GPR161: variants seen among roughly 807,000 people sequenced by gnomAD.
The protein encoded by GPR161 is G protein-coupled receptor 161.
A neutral mutation model predicts 39.2 loss-of-function variants in GPR161; 25 were observed. That is an observed-to-expected ratio of 0.64 (90% CI 0.47 to 0.89). The LOEUF (loss-of-function observed/expected upper bound fraction) is 0.89. GPR161 is among the 40% of genes least tolerant of loss of function. The probability of loss-of-function intolerance (pLI) is 0.00; values close to 1 mark genes in which losing one functional copy is unlikely to be tolerated. For synonymous variants in GPR161, 286 were observed against 276.6 expected (o/e 1.03, Z -0.34); for missense variants, 547 against 677.8 (o/e 0.81, Z 2.14).
At chr1:168,106,397 G>A (rs533265719) in intron 1 of GPR161, among the ~76,000 whole-genome samples, 174 of 152,296 alleles carry the variant, frequency 1.1e-3, no homozygotes, top group Non-Finnish European at 2.0e-3. Context: ...GAGCAAGCCC[G>A]GGCAACGTGG....
intron 3 of GPR161, among the ~76,000 whole-genome samples, chr1:168,096,146 AAAAAAAAAAAAAAAG>A (rs1253133743): frequency 2.0e-5 from 3 of 150,538 alleles, no homozygotes; most frequent in African/African-American, 7.4e-5. Flanking sequence ...AAAAAAAAAA[AAAAAAAAAAAAAAAG>A]AGAGAGAGAA....
Position 168,090,588 on chromosome 1 carries a change from C to T in GPR161, c.1180G>A (p.Gly394Ser). The T allele has an allele frequency of 6.2e-7, 1 of 1,607,954 alleles. No homozygotes were observed. Among genetic ancestry groups the T allele is most frequent in the Non-Finnish European group, 8.5e-7 (1 of 1,174,526 alleles). The change falls in exon 4 of 6, where the codon GGC becomes AGC. Residue 394 changes from glycine to serine, a missense_variant. Gly to Ser is a moderately conservative substitution (Grantham distance 56). Coordinates refer to ENST00000682931, the MANE Select transcript of GPR161 (RefSeq NM_001375883.1). ...CCTGAGTCCTGGGAGCAGCTGAAGCCAGTGTCCCCCGTGCTGCTGCTGTGC... is the reference window on the plus strand; with the variant it reads ...CCTGAGTCCTGGGAGCAGCTGAAGCTAGTGTCCCCCGTGCTGCTGCTGTGC... Reference protein sequence around the residue: ...LGHSSSTGDTGFSCSQDSGTD... With the variant: ...LGHSSSTGDTSFSCSQDSGTD...
intron 1 of GPR161, among the ~76,000 whole-genome samples, chr1:168,105,389 C>G (rs560276612): frequency 7.9e-4 from 121 of 152,296 alleles, no homozygotes; most frequent in African/African-American, 2.6e-3. Flanking sequence ...CCTGAACCAG[C>G]AGGATCACCA....
chr1:168,115,731 A>T (rs1697564615), intron 1 of GPR161, among the ~76,000 whole-genome samples: 1 of 151,976 alleles, frequency 6.6e-6, no homozygotes, highest in African/African-American at 2.4e-5. Flanking sequence ...GGTCCCCGGG[A>T]TAGGACAAGA....
intron 1 of GPR161, chr1:168,133,854 T>A: frequency 1.2e-6 from 1 of 814,072 alleles, no homozygotes; most frequent in Non-Finnish European, 1.5e-6. Flanking sequence ...TTTTATATAA[T>A]AGCAATAAAC....
In GPR161 at chr1:168,104,628, G is replaced by A. The variant is rs752100238; in HGVS notation, c.223C>T (p.Leu75=). The A allele has an allele frequency of 6.2e-7, 1 of 1,614,166 alleles. No individual in the cohort carries two copies. The highest frequency in any genetic ancestry group is 8.5e-7 in the Non-Finnish European group (1 of 1,179,992). The change falls in exon 2 of 6, where the codon CTG becomes TTG. Residue 75 remains leucine (L), a synonymous_variant. Transcript: ENST00000682931. ...AAAGGCAGCACCAACACGGACAGCA[G>A]GAAGTTGGACAGAGTCAGGCTGAAG... ...FVFSLTLSNF[L]LSVLVLPFVV...
chr1:168,123,537 TACAC>T (rs10534836), intron 1 of GPR161, among the ~76,000 whole-genome samples: 5,287 of 138,142 alleles, frequency 0.038, 135 homozygotes, highest in African/African-American at 0.078. Context: ...TGCACATACA[TACAC>T]ACACACACAC....
intron 3 of GPR161, among the ~76,000 whole-genome samples, chr1:168,091,938 T>C (rs928803171): frequency 1.3e-5 from 2 of 150,318 alleles, no homozygotes; most frequent in African/African-American, 2.5e-5. Flanking sequence ...CACTCACAGA[T>C]AGGAGGAGAC....
At chr1:168,097,525 C>T (rs1357530701) in intron 2 of GPR161, among the ~76,000 whole-genome samples, 3 of 152,172 alleles carry the variant, frequency 2.0e-5, no homozygotes, top group Non-Finnish European at 4.4e-5. Context: ...AAGATACCTA[C>T]AGAGGTCCTG....
intron 1 of GPR161, among the ~76,000 whole-genome samples, chr1:168,105,105 AT>A (rs1696488749): frequency 6.6e-6 from 1 of 152,068 alleles, no homozygotes; most frequent in South Asian, 2.1e-4. Context: ...CCCCTGACCA[AT>A]TTCTTCCTCT....
Position 168,098,990 on chromosome 1 carries a change from T to C in GPR161, c.375-1758A>G, listed in dbSNP as rs1388618521. On this transcript the variant is annotated intron_variant, in intron 2 of 5. Coordinates refer to ENST00000682931, the MANE Select transcript of GPR161 (RefSeq NM_001375883.1). The surrounding 1 kb of genome is among the most constrained non-coding windows in gnomAD (Gnocchi z 4.1). ...TCCCTCATCTGGAAAATGGGAATTC[T>C]GGCACCCACATCACAGGTCTGCTCC... is the stretch of plus-strand genomic sequence containing the variant. Among the ~76,000 whole-genome samples, 3 of 152,344 alleles carry C rather than the reference T, an allele frequency of 2.0e-5. No individual in the cohort carries two copies. The East Asian group carries it at 5.8e-4, about 29-fold the overall frequency.
At chr1:168,133,292 C>G (rs527945119) in intron 1 of GPR161, among the ~76,000 whole-genome samples, 2 of 152,284 alleles carry the variant, frequency 1.3e-5, no homozygotes, top group East Asian at 3.9e-4. Flanking sequence ...TTCCAGACCT[C>G]AATAAACAAA....
chr1:168,131,074 T>C (rs1698951768), intron 1 of GPR161, among the ~76,000 whole-genome samples: 2 of 152,142 alleles, frequency 1.3e-5, no homozygotes, highest in Admixed American at 1.3e-4. Context: ...TGGTTCCATT[T>C]CCTATCACAG....
intron 5 of GPR161, 152 bp from the exon 6 acceptor site, chr1:168,085,948 T>C (rs1056303198): frequency 4.6e-5 from 29 of 629,208 alleles, no homozygotes; most frequent in Non-Finnish European, 5.7e-5. Context: ...GACCAAAAGC[T>C]GACTCCCTGA....
chr1:168,123,939 A>G (rs975618396), intron 1 of GPR161, among the ~76,000 whole-genome samples: 3 of 152,240 alleles, frequency 2.0e-5, no homozygotes, highest in Non-Finnish European at 2.9e-5. Context: ...TTTTTGGTTA[A>G]GTCCTGTAGC....
intron 1 of GPR161, among the ~76,000 whole-genome samples, chr1:168,118,962 A>G (rs1442710726): frequency 1.3e-5 from 2 of 151,906 alleles, no homozygotes; most frequent in African/African-American, 4.8e-5. Flanking sequence ...ATGCAAAGAA[A>G]CTGCAACCCT....
At chr1:168,096,183 C>T (rs116472995) in intron 3 of GPR161, among the ~76,000 whole-genome samples, 1,500 of 144,164 alleles carry the variant, frequency 0.01, 25 homozygotes, top group African/African-American at 0.034. Context: ...TAACTATACA[C>T]ACTCTGAGGC....
chr1:168,099,559 G>A (rs926092957), intron 2 of GPR161, among the ~76,000 whole-genome samples: 1 of 152,078 alleles, frequency 6.6e-6, no homozygotes, highest in Non-Finnish European at 1.5e-5. Flanking sequence ...TCAACACCCA[G>A]TTATTATTAC....
rs41271649 is a variant in GPR161, at chr1:168,085,038, C to T, written c.*493G>A. ...ACTGCCCGCATCAACCATGTAGAGG[C>T]ACCAGGACGGTCGCGTGTCATTAGG... On this transcript the variant is annotated 3_prime_UTR_variant, in exon 6 of 6. Coordinates refer to ENST00000682931, the MANE Select transcript of GPR161 (RefSeq NM_001375883.1). The T allele has an allele frequency of 7.9e-3, 3,591 of 456,386 alleles. 22 individuals are homozygous for T. The highest frequency in any genetic ancestry group is 0.02 in the Admixed American group (870 of 42,574). The allele number at this position is 456,386 out of a possible 1,614,324, so 28.3% of individuals were successfully genotyped here.
Sources: gnomAD v4.1 joint callset for allele counts (sites outside exome capture counted in the v4.1 genomes callset) on GRCh38, gnomAD v4.1.1 for gene constraint, Gnocchi (gnomAD v3.1) non-coding constraint, MANE v1.5 for transcripts, NCBI Gene and HGNC (gene_info 2026-07-23, HGNC 2026-07-21) for gene names.